Variants in LRP2 observed in about 807,000 individuals in gnomAD.
The protein encoded by LRP2 is LDL receptor related protein 2.
LRP2 carries 172 observed loss-of-function variants against 531.0 expected under a neutral mutation model. The observed-to-expected ratio is 0.32, with a 90% CI of 0.29 to 0.37. The LOEUF (loss-of-function observed/expected upper bound fraction) is 0.37. LRP2 is among the 10% of genes least tolerant of loss of function. The pLI is 1.00. For synonymous variants in LRP2, 1,992 were observed against 2,027.6 expected (o/e 0.98, Z 0.47); for missense variants, 5,167 against 5,868.3 (o/e 0.88, Z 3.90).
At chr2:169,353,171 C>T (rs1324384995) in intron 1 of LRP2, among the ~76,000 whole-genome samples, 3 of 152,152 alleles carry the variant, frequency 2.0e-5, no homozygotes, top group Non-Finnish European at 2.9e-5. Context: ...GGGGAGCTAG[C>T]TGACTTTGTC....
chr2:169,140,543 T>C lies in LRP2; in HGVS notation c.13111A>G (p.Ile4371Val), dbSNP rs762279829. The change falls in exon 72 of 79, where the codon ATC becomes GTC. Residue 4371 changes from isoleucine (I) to valine (V), a missense_variant and splice_region_variant. By Grantham distance (29) the Ile-to-Val change is conservative. Transcript: ENST00000649046. ...EGSTTECDAA[I>V]ELPINLPPPC... ...GGGGGCAGGTTGATAGGCAGTTCGA[T>C]GGCTGCAGGAAGGGAAAGCCATGCA... 1.2e-6 allele frequency: 2 copies of C among 1,612,064 alleles called. No individual in the cohort carries two copies. Among genetic ancestry groups the C allele is most frequent in the South Asian group, 1.1e-5 (1 of 91,038 alleles).
intron 25 of LRP2, 72 bp from the exon 26 acceptor site, chr2:169,239,847 A>G: frequency 7.6e-7 from 1 of 1,312,862 alleles, no homozygotes; most frequent in East Asian, 2.3e-5. Flanking sequence ...CTCTTATGCA[A>G]TATTTATTAT....
At position 169,362,337 on chromosome 2, in the gene LRP2, C is replaced by A. The variant is rs1559014; in HGVS notation, c.63G>T (p.Ala21=). ...TLLLALVACL[A]PASGQECDSA... is the part of the protein sequence containing the mutation. ...GGCTCTTACCTTGGCCACTGGCCGGCGCTAGGCAGGCGACGAGAGCCAGGA... is the reference window on the plus strand; with the variant it reads ...GGCTCTTACCTTGGCCACTGGCCGGAGCTAGGCAGGCGACGAGAGCCAGGA... The change falls in exon 1 of 79, where the codon GCG becomes GCT. Residue 21 remains alanine, a synonymous_variant. Transcript: ENST00000649046. The A allele has an allele frequency of 2.6e-6, 4 of 1,567,488 alleles. No individual in the cohort carries two copies. The highest frequency in any genetic ancestry group is 4.8e-5 in the East Asian group (2 of 41,974).
At chr2:169,216,583 G>A (rs571305063) in intron 34 of LRP2, among the ~76,000 whole-genome samples, 153 bp from the exon 35 acceptor site, 2 of 152,200 alleles carry the variant, frequency 1.3e-5, no homozygotes, top group Non-Finnish European at 2.9e-5. Flanking sequence ...AACGTGGAGG[G>A]GTACTTCACC....
chr2:169,243,546 C>G (rs761597431), intron 22 of LRP2, 24 bp from the exon 23 acceptor site: 5 of 1,613,432 alleles, frequency 3.1e-6, no homozygotes, highest in Non-Finnish European at 4.2e-6. Context: ...AAAACAAAAC[C>G]AACAAGTTTA....
intron 18 of LRP2, 27 bp downstream of exon 18, chr2:169,257,097 G>A: frequency 6.2e-7 from 1 of 1,611,510 alleles, no homozygotes; most frequent in East Asian, 2.2e-5. Context: ...AGAGAACTAA[G>A]TATCGGGGAT....
In LRP2 at chr2:169,127,864, GA is replaced by G. The variant is rs2105320834; in HGVS notation, c.*798del. On this transcript the variant is annotated 3_prime_UTR_variant, in exon 79 of 79. Coordinates refer to ENST00000649046, the MANE Select transcript of LRP2 (RefSeq NM_004525.3). ...CCACCTTGAATGTCAGGTGAGGGGA[GA>G]AATTGCTCCAGGGTCCATCAGCAGA... 6.6e-6 allele frequency: 1 copy of G among 152,404 alleles called. No individual in the cohort carries two copies. The highest frequency in any genetic ancestry group is 6.5e-5 in the Admixed American group (1 of 15,288). 9.4% of individuals were successfully genotyped at this position (152,404 alleles called of 1,614,324 possible).
chr2:169,219,652 T>C (rs1412966413), intron 34 of LRP2, among the ~76,000 whole-genome samples: 1 of 152,006 alleles, frequency 6.6e-6, no homozygotes, highest in Admixed American at 6.6e-5. Flanking sequence ...CACATGGACA[T>C]ACACATGGGA....
intron 33 of LRP2, among the ~76,000 whole-genome samples, chr2:169,224,684 T>C (rs1227292978): frequency 6.6e-6 from 1 of 152,264 alleles, no homozygotes; most frequent in East Asian, 1.9e-4. Flanking sequence ...TATGCAACTT[T>C]TATTTATCTT....
At chr2:169,174,282 T>C in intron 55 of LRP2, 118 bp from the exon 56 acceptor site, 2 of 1,247,080 alleles carry the variant, frequency 1.6e-6, no homozygotes, top group Non-Finnish European at 2.3e-6. Context: ...ACTTATTTCC[T>C]AATGTACTTA....
In LRP2 at chr2:169,139,583, A is replaced by G; in HGVS notation, c.13227T>C (p.Tyr4409=). Residue 4409 remains tyrosine, a synonymous_variant, in exon 73 of 79, where the codon TAT becomes TAC. Transcript: ENST00000649046. Reference sequence around the variant, plus strand: ...TGCCTTTTGAAAACGCCATTTCACAATATTTTCCGGTGTAGCCGCTAGGAC... The same window carrying G: ...TGCCTTTTGAAAACGCCATTTCACAGTATTTTCCGGTGTAGCCGCTAGGAC... The part of the protein sequence containing the change: ...CKCPSGYTGK[Y]CEMAFSKGIS... The G allele has an allele frequency of 6.2e-7, 1 of 1,614,210 alleles. No individual in the cohort carries two copies. Among genetic ancestry groups the G allele is most frequent in the Non-Finnish European group, 8.5e-7 (1 of 1,180,014 alleles).
chr2:169,165,441 G>T (rs749022997), intron 62 of LRP2, among the ~76,000 whole-genome samples: 18 of 152,192 alleles, frequency 1.2e-4, no homozygotes, highest in Non-Finnish European at 2.5e-4. Context: ...TCTGGGAAAT[G>T]AACTTTCATT....
chr2:169,168,046 T>TATATATATATATATATATATATAA (rs1686853558), intron 61 of LRP2, among the ~76,000 whole-genome samples: 1 of 134,760 alleles, frequency 7.4e-6, no homozygotes, highest in Non-Finnish European at 1.6e-5. Flanking sequence ...TATATATATA[T>TATATATATATATATATATATATAA]GCATCATTCA....
intron 1 of LRP2, among the ~76,000 whole-genome samples, chr2:169,321,842 A>G (rs1211632670): frequency 1.3e-5 from 2 of 152,188 alleles, no homozygotes; most frequent in Non-Finnish European, 2.9e-5. Flanking sequence ...TGATACTGGA[A>G]GGACAATATA....
At chr2:169,243,320 T>C (rs1689880585) in intron 23 of LRP2, 83 bp downstream of exon 23, 3 of 1,532,576 alleles carry the variant, frequency 2.0e-6, no homozygotes, top group Non-Finnish European at 2.7e-6. Flanking sequence ...CGGTGTGTGA[T>C]GTTCCCCTCC....
Position 169,196,196 on chromosome 2 carries a change from T to C in LRP2, c.8698+715A>G, listed in dbSNP as rs542810462. Among the ~76,000 whole-genome samples the C allele has an allele frequency of 2.0e-3, 307 of 152,356 alleles. 4 individuals are homozygous for C. Among genetic ancestry groups the C allele is most frequent in the Non-Finnish European group, 3.7e-3 (251 of 68,028 alleles). On this transcript the variant is annotated intron_variant, in intron 46 of 78. Transcript: ENST00000649046. ...CCATAGTAGAGGGACAGCAGCCATA[T>C]GTGGCTGCATTTGAGTAAAATGCTA...
intron 43 of LRP2, among the ~76,000 whole-genome samples, chr2:169,202,479 A>G (rs1306508970): frequency 6.6e-6 from 1 of 152,198 alleles, no homozygotes; most frequent in Non-Finnish European, 1.5e-5. Flanking sequence ...TCCATTTTAC[A>G]GATGAGATGT....
chr2:169,356,932 T>C (rs796747341), intron 1 of LRP2, among the ~76,000 whole-genome samples: 10 of 152,320 alleles, frequency 6.6e-5, no homozygotes, highest in African/African-American at 1.9e-4. Flanking sequence ...CTCTTTTCAG[T>C]TCTCATCTTC....
At chr2:169,361,365 TCTCTCTCTCTCC>T (rs1260485605) in intron 1 of LRP2, among the ~76,000 whole-genome samples, 5,241 of 122,720 alleles carry the variant, frequency 0.043, 177 homozygotes, top group Admixed American at 0.11. Flanking sequence ...TCTCTCTCTC[TCTCTCTCTCTCC>T]CTCTCTCTCT....
Sources: allele counts gnomAD v4.1 joint callset (sites outside exome capture counted in the v4.1 genomes callset), GRCh38; gene constraint gnomAD v4.1.1; transcripts MANE v1.5; gene names NCBI Gene and HGNC (gene_info 2026-07-23, HGNC 2026-07-21).